NRXN1: variants seen among roughly 807,000 people sequenced by gnomAD.
NRXN1 encodes the protein neurexin 1.
NRXN1 carries 39 observed loss-of-function variants against 150.9 expected under a neutral mutation model. The ratio of observed to expected loss-of-function variants is 0.26; its 90% CI spans 0.20 to 0.34. The LOEUF is 0.34. Among genes scored for constraint, NRXN1 ranks in the 10% least tolerant of loss-of-function variants. The pLI, the probability that NRXN1 is intolerant of heterozygous loss-of-function variation, is 1.00. For missense variants in NRXN1, 1,815 were observed against 1,949.9 expected, an observed-to-expected ratio of 0.93 and a Z score of 1.30; for synonymous variants, 924 against 757.0, an observed-to-expected ratio of 1.22 and a Z score of -3.62.
At chr2:50,404,701 C>G (rs563019547) in intron 17 of NRXN1, among the ~76,000 whole-genome samples, 1 of 152,136 alleles carries the variant, frequency 6.6e-6, no homozygotes, top group African/African-American at 2.4e-5. Context: ...ACTGAACACT[C>G]CTTTGAAAGT....
chr2:50,862,964 C>A (rs1676357739), intron 5 of NRXN1, among the ~76,000 whole-genome samples: 1 of 151,882 alleles, frequency 6.6e-6, no homozygotes, highest in Non-Finnish European at 1.5e-5. Flanking sequence ...ATTATAAAAA[C>A]CAGAGTTTCA....
intron 17 of NRXN1, among the ~76,000 whole-genome samples, chr2:50,324,213 C>A (rs932485006): frequency 3.3e-5 from 5 of 152,070 alleles, no homozygotes; most frequent in African/African-American, 1.2e-4. Flanking sequence ...GAGGTCAGAG[C>A]GACCTAAACC....
At chr2:50,594,167 G>T (rs771404146) in intron 8 of NRXN1, among the ~76,000 whole-genome samples, 1 of 151,992 alleles carries the variant, frequency 6.6e-6, no homozygotes, top group Non-Finnish European at 1.5e-5. Context: ...ACCCAGCCTC[G>T]GGCAGTTCTT....
At chr2:50,549,150 G>T (rs1042036178) in intron 9 of NRXN1, among the ~76,000 whole-genome samples, 11 of 152,168 alleles carry the variant, frequency 7.2e-5, no homozygotes, top group Middle Eastern at 3.4e-3. Flanking sequence ...AGTTGTAAGT[G>T]ACCTCTGAAT....
intron 5 of NRXN1, among the ~76,000 whole-genome samples, chr2:50,698,549 A>T (rs1210033039): frequency 6.6e-6 from 1 of 152,240 alleles, no homozygotes; most frequent in African/African-American, 2.4e-5. Context: ...ATGAATTAAT[A>T]AATATATAAA....
intron 21 of NRXN1, among the ~76,000 whole-genome samples, chr2:50,052,043 C>T (rs1010358861): frequency 6.6e-6 from 1 of 151,958 alleles, no homozygotes; most frequent in Admixed American, 6.6e-5. Flanking sequence ...TATTCTGTTC[C>T]TCTCACCCTT....
At chr2:50,098,296 G>A (rs1700502139) in intron 18 of NRXN1, among the ~76,000 whole-genome samples, 1 of 152,134 alleles carries the variant, frequency 6.6e-6, no homozygotes, top group Non-Finnish European at 1.5e-5. Context: ...ATCAAATTGG[G>A]AAGGTAAATC....
intron 8 of NRXN1, among the ~76,000 whole-genome samples, chr2:50,610,642 C>CATACATACATAT (rs1553879967): frequency 9.3e-5 from 4 of 42,876 alleles, no homozygotes; most frequent in African/African-American, 3.0e-4. Context: ...TAAATAGATA[C>CATACATACATAT]ATATATATAT....
intron 2 of NRXN1, among the ~76,000 whole-genome samples, chr2:50,943,477 T>C (rs1689818705): frequency 6.6e-6 from 1 of 152,242 alleles, no homozygotes; most frequent in Non-Finnish European, 1.5e-5. Flanking sequence ...AGAACATTTC[T>C]ATTTCTCTTT....
intron 16 of NRXN1, among the ~76,000 whole-genome samples, chr2:50,468,361 A>G (rs2089131427): frequency 6.6e-6 from 1 of 151,584 alleles, no homozygotes; most frequent in Non-Finnish European, 1.5e-5. Context: ...CATTATCACA[A>G]TAGTCTTTAT....
At chr2:50,957,736 TG>T (rs1297521938) in intron 2 of NRXN1, among the ~76,000 whole-genome samples, 1 of 152,190 alleles carries the variant, frequency 6.6e-6, no homozygotes, top group Non-Finnish European at 1.5e-5. Context: ...TAATTACTTT[TG>T]TCATGTTTGA....
At chr2:50,174,273 C>A (rs992288076) in intron 18 of NRXN1, among the ~76,000 whole-genome samples, 4 of 152,064 alleles carry the variant, frequency 2.6e-5, no homozygotes, top group Non-Finnish European at 5.9e-5. Context: ...AGACCCAGTT[C>A]GGCCATTGAC....
At chr2:50,098,331 A>G (rs979055606) in intron 18 of NRXN1, among the ~76,000 whole-genome samples, 8 of 152,124 alleles carry the variant, frequency 5.3e-5, no homozygotes. Context: ...TCATACCCAC[A>G]AAAGAGTTGA....
intron 8 of NRXN1, among the ~76,000 whole-genome samples, chr2:50,599,581 G>C (rs974795540): frequency 6.6e-6 from 1 of 152,152 alleles, no homozygotes; most frequent in Non-Finnish European, 1.5e-5. Context: ...GGACTTTTAA[G>C]TTAAAGTGAG....
chr2:50,814,079 G>A (rs1331542315), intron 5 of NRXN1, among the ~76,000 whole-genome samples: 1 of 152,158 alleles, frequency 6.6e-6, no homozygotes, highest in African/African-American at 2.4e-5. Flanking sequence ...CAGTAGGTAA[G>A]TATGGCAACT....
chr2:50,497,645 C>A lies in NRXN1; in HGVS notation c.2567G>T (p.Arg856Leu), dbSNP rs200249774. 2 of 1,613,780 alleles carry A rather than the reference C, an allele frequency of 1.2e-6. No individual in the cohort carries two copies. ...GTTGGAGGGGACAGAAGAAAGATAC[C>A]GTCGTTCTGTGATGATGCCAGTCTC... is the stretch of plus-strand genomic sequence containing the variant. ...NIETGIITER[R>L]YLSSVPSNFI... Residue 856 changes from arginine to leucine, a missense_variant, in exon 14 of 23, where the codon CGG becomes CTG. By Grantham distance (102) the Arg-to-Leu change is moderately radical (BLOSUM62 -2). Coordinates refer to ENST00000401669, the MANE Select transcript of NRXN1 (RefSeq NM_001330078.2).
intron 18 of NRXN1, among the ~76,000 whole-genome samples, chr2:50,142,790 A>T (rs1184935139): frequency 6.6e-6 from 1 of 151,916 alleles, no homozygotes; most frequent in Non-Finnish European, 1.5e-5. Flanking sequence ...AAATCAAGAT[A>T]GGTTGGACTT....
At chr2:49,943,591 G>A (rs1345562) in intron 22 of NRXN1, 113 bp downstream of exon 22, 11 of 726,878 alleles carry the variant, frequency 1.5e-5, no homozygotes, top group Admixed American at 8.4e-5. Context: ...CACAATCAAC[G>A]ATGGTATAGG....
At position 50,951,960 on chromosome 2, in the gene NRXN1, T is replaced by C. The variant is rs1329308800; in HGVS notation, c.773-26005A>G. ...ATGAATAAATATATATATATATATA[T>C]ATATTTTTTTTTTTTTTTTTTTTTG... On this transcript the variant is annotated intron_variant, in intron 2 of 22. Transcript: ENST00000401669. Among the ~76,000 whole-genome samples the C allele has an allele frequency of 1.8e-3, 174 of 97,126 alleles. 3 individuals are homozygous for C. Among genetic ancestry groups the C allele is most frequent in the African/African-American group, 7.3e-3 (167 of 23,016 alleles). 63.7% of individuals were successfully genotyped at this position (97,126 alleles called of 152,430 possible). A position where few individuals can be genotyped will look rare whatever the true frequency, so the allele number is the denominator to read the frequency against.
Sources: allele counts gnomAD v4.1 joint callset (sites outside exome capture counted in the v4.1 genomes callset), GRCh38; gene constraint gnomAD v4.1.1; transcripts MANE v1.5; gene names NCBI Gene and HGNC (gene_info 2026-07-23, HGNC 2026-07-21).